Variants in TBX1 observed in about 807,000 individuals in gnomAD.
The protein encoded by TBX1 is T-box transcription factor 1.
Under a neutral mutation model 40.8 loss-of-function variants are expected in TBX1, and 16 were observed. The observed-to-expected ratio is 0.39, with a 90% confidence interval of 0.27 to 0.60. The LOEUF (loss-of-function observed/expected upper bound fraction) is 0.60, where lower values mean the gene tolerates loss of function less well. Among genes scored for constraint, TBX1 ranks in the 20% least tolerant of loss-of-function variants. The pLI is 0.51. For missense variants in TBX1, 755 were observed against 728.5 expected (o/e 1.04, Z -0.42); for synonymous variants, 403 against 336.8 (o/e 1.20, Z -2.15).
At chr22:19,766,147 G>C (rs936480661) in intron 6 of TBX1, 145 bp downstream of exon 6, 3 of 761,422 alleles carry the variant, frequency 3.9e-6, no homozygotes, top group Non-Finnish European at 4.9e-6. Flanking sequence ...GGGCAAGCGC[G>C]CACTCGCCCG....
At chr22:19,762,528 G>C (rs896911363) in intron 1 of TBX1, among the ~76,000 whole-genome samples, 8 of 152,228 alleles carry the variant, frequency 5.3e-5, no homozygotes, top group Non-Finnish European at 1.0e-4. Flanking sequence ...GCCCTGACTG[G>C]TCACTGAGCC....
chr22:19,758,639 C>T (rs1936540355), upstream of TBX1, among the ~76,000 whole-genome samples: 3 of 152,190 alleles, frequency 2.0e-5, no homozygotes, highest in South Asian at 2.1e-4. Context: ...TCCTCGTGTC[C>T]TCGGCTCCCT....
upstream of TBX1, among the ~76,000 whole-genome samples, chr22:19,758,854 G>A (rs1344663381): frequency 6.6e-6 from 1 of 152,238 alleles, no homozygotes. Flanking sequence ...ACGATAGTGA[G>A]CCAACTTCAG....
chr22:19,780,147 G>A (rs1002359413), downstream of TBX1, among the ~76,000 whole-genome samples: 23 of 152,100 alleles, frequency 1.5e-4, no homozygotes, highest in African/African-American at 4.6e-4. Context: ...ATTTACCATC[G>A]TAGCCCTTTG....
downstream of TBX1, among the ~76,000 whole-genome samples, chr22:19,772,239 A>ACT (rs371649030): frequency 6.8e-3 from 1,028 of 152,150 alleles, 16 homozygotes; most frequent in African/African-American, 0.023. Flanking sequence ...AGTAACCGGG[A>ACT]TTACAGATGT....
chr22:19,767,092 C>T lies in TBX1; in HGVS notation c.*225C>T. On this transcript the variant is annotated 3_prime_UTR_variant, in exon 7 of 7. Transcript: ENST00000649276. ...CCAGTCCCTGGAGCCACCGCGGGTC[C>T]TTCCCCGGCCCCGAGGGCCAAGGGG... 2 of 1,266,218 alleles carry T rather than the reference C, an allele frequency of 1.6e-6. No homozygotes were observed. Among genetic ancestry groups the T allele is most frequent in the African/African-American group, 1.6e-5 (1 of 63,902 alleles). The allele number at this position is 1,266,218 out of a possible 1,614,324, so 78.4% of individuals were successfully genotyped here.
chr22:19,762,755 G>A (rs958984403), intron 1 of TBX1, among the ~76,000 whole-genome samples: 13 of 152,090 alleles, frequency 8.5e-5, no homozygotes, highest in African/African-American at 2.9e-4. Flanking sequence ...GAGGGGATTG[G>A]GTAACAGCCG....
downstream of TBX1, among the ~76,000 whole-genome samples, chr22:19,770,758 C>A (rs1936976749): frequency 6.6e-6 from 1 of 152,182 alleles, no homozygotes; most frequent in Admixed American, 6.5e-5. Context: ...CACCCGCATA[C>A]CAGAGAATTC....
upstream of TBX1, among the ~76,000 whole-genome samples, chr22:19,758,210 C>T (rs1227212384): frequency 6.6e-6 from 1 of 152,204 alleles, no homozygotes; most frequent in East Asian, 1.9e-4. Flanking sequence ...TGCCTGCCTC[C>T]CACTCCCATC....
At chr22:19,781,557 A>G (rs1310116450), downstream of TBX1, among the ~76,000 whole-genome samples, 1 of 150,212 alleles carries the variant, frequency 6.7e-6, no homozygotes, top group Non-Finnish European at 1.5e-5. Flanking sequence ...CATGAAGTCC[A>G]GTTTGTCTAT....
chr22:19,763,851 C>A lies in TBX1; in HGVS notation c.540-304C>A, dbSNP rs552934101. On this transcript the variant is annotated intron_variant, in intron 2 of 6. Coordinates refer to ENST00000649276, the MANE Select transcript of TBX1 (RefSeq NM_001379200.1). ...GGCAAGGCCAAGTGTGGGCTCCCACCGCAGCGGCACCGGGGCGGGAGGACC... is the reference window on the plus strand; with the variant it reads ...GGCAAGGCCAAGTGTGGGCTCCCACAGCAGCGGCACCGGGGCGGGAGGACC... 9.7e-5 allele frequency: 51 copies of A among 526,602 alleles called. 1 individual carries two copies. In the East Asian group the frequency reaches 1.6e-3, roughly 17 times the overall value. 32.6% of individuals were successfully genotyped at this position (526,602 alleles called of 1,614,324 possible).
At chr22:19,762,096 T>C (rs1410533290) in intron 1 of TBX1, among the ~76,000 whole-genome samples, 1 of 152,242 alleles carries the variant, frequency 6.6e-6, no homozygotes, top group Non-Finnish European at 1.5e-5. Flanking sequence ...GCGTCCTTTC[T>C]GAGGAACCTG....
rs1177792242 is a variant in TBX1 at position 19,764,233 on chromosome 22, G to A, written c.618G>A (p.Pro206=). The change falls in exon 3 of 7, where the codon CCG becomes CCA. Residue 206 remains proline, a synonymous_variant. Coordinates refer to ENST00000649276, the MANE Select transcript of TBX1 (RefSeq NM_001379200.1). The stretch of plus-strand genomic sequence containing the variant: ...CGCCAGGCCGCGTGCACTACCACCC[G>A]GACTCGCCTGCCAAGGGCGCGCAGT... The part of the protein sequence containing the change: ...PATPGRVHYH[P]DSPAKGAQWM... 1.5e-5 allele frequency: 24 copies of A among 1,613,134 alleles called. No homozygotes were observed. The highest frequency in any genetic ancestry group is 1.2e-4 in the Admixed American group (7 of 60,006).
intron 8 of TBX1, among the ~76,000 whole-genome samples, chr22:19,773,737 G>C (rs901299919): frequency 2.8e-4 from 42 of 152,320 alleles, no homozygotes; most frequent in African/African-American, 1.0e-3. Context: ...CAGGCATCTC[G>C]GCATCCTGAT....
chr22:19,763,992 C>T (rs1463127438), intron 2 of TBX1, among the ~76,000 whole-genome samples, 163 bp from the exon 3 acceptor site: 1 of 152,170 alleles, frequency 6.6e-6, no homozygotes, highest in Non-Finnish European at 1.5e-5. Flanking sequence ...TCTGTTTAGT[C>T]CATAGTCCCC....
At chr22:19,775,640 C>T (rs989077950) in intron 8 of TBX1, among the ~76,000 whole-genome samples, 6 of 152,150 alleles carry the variant, frequency 3.9e-5, no homozygotes, top group African/African-American at 1.4e-4. Context: ...AATGCACGCT[C>T]GGAACCACAG....
At chr22:19,777,528 C>G (rs897433005) in intron 8 of TBX1, among the ~76,000 whole-genome samples, 1 of 152,176 alleles carries the variant, frequency 6.6e-6, no homozygotes, top group African/African-American at 2.4e-5. Context: ...CATACGTGTG[C>G]ATGTGTCTTT....
chr22:19,778,320 C>G (rs571149694), intron 8 of TBX1, among the ~76,000 whole-genome samples: 1 of 152,124 alleles, frequency 6.6e-6, no homozygotes, highest in South Asian at 2.1e-4. Context: ...AGGCTGGTCA[C>G]AAACTCCTGA....
chr22:19,776,111 C>T (rs535737273), intron 8 of TBX1, among the ~76,000 whole-genome samples: 2 of 152,252 alleles, frequency 1.3e-5, no homozygotes, highest in South Asian at 4.1e-4. Flanking sequence ...GCTGCTAGTG[C>T]CCCTGAAACC....
Sources: gnomAD v4.1 joint callset for allele counts (sites outside exome capture counted in the v4.1 genomes callset) on GRCh38, gnomAD v4.1.1 for gene constraint, MANE v1.5 for transcripts, NCBI Gene and HGNC (gene_info 2026-07-23, HGNC 2026-07-21) for gene names.